NACA: variants seen among roughly 807,000 people sequenced by gnomAD.
The protein encoded by NACA is nascent polypeptide-associated complex subunit alpha.
A neutral mutation model predicts 86.4 loss-of-function variants in NACA; 42 were observed. That is an observed-to-expected ratio of 0.49 (90% confidence interval 0.38 to 0.63). The LOEUF (loss-of-function observed/expected upper bound fraction) is 0.63. Among genes scored for constraint, NACA ranks in the 20% least tolerant of loss-of-function variants. NACA has a pLI of 0.00. For missense variants in NACA, 2,157 were observed against 2,483.6 expected (o/e 0.87, Z 2.80); for synonymous variants, 898 against 973.7 (o/e 0.92, Z 1.45).
At position 56,712,528 on chromosome 12, in the gene NACA, T is replaced by C; in HGVS notation, c.*10A>G. 6.2e-7 allele frequency: 1 copy of C among 1,613,184 alleles called. No individual in the cohort carries two copies. On this transcript the variant is annotated 3_prime_UTR_variant, in exon 9 of 9. Transcript: ENST00000454682. Reference sequence around the variant, plus strand: ...CCTTTGAGACACCAAAAAAAGTTGCTTCCATATGGTTACATTGTTAATTCC... The same window carrying C: ...CCTTTGAGACACCAAAAAAAGTTGCCTCCATATGGTTACATTGTTAATTCC...
At position 56,717,395 on chromosome 12, in the gene NACA, T is replaced by C. The variant is rs1171543417; in HGVS notation, c.4135A>G (p.Lys1379Glu). The C allele has an allele frequency of 2.8e-6, 3 of 1,068,426 alleles. No individual in the cohort carries two copies. The highest frequency in any genetic ancestry group is 2.3e-6 in the Non-Finnish European group (2 of 876,548). The allele number at this position is 1,068,426 out of a possible 1,614,324, so 66.2% of individuals were successfully genotyped here. A position where few individuals can be genotyped will look rare whatever the true frequency, so the allele number is the denominator to read the frequency against. The change falls in exon 3 of 9, where the codon AAA (lysine) becomes GAA (glutamate). Residue 1379 changes from lysine to glutamate, a missense_variant. This residue lies in a region of NACA where 797 missense variants were observed against 777.6 expected (regional missense o/e 1.02). Coordinates refer to ENST00000454682, the MANE Select transcript of NACA (RefSeq NM_001365896.1). ...PTPPAATPSH[K>E]GGPAMTPPSP... ...GGAGGAGTCATAGCGGGACCTCCTTTGTGGGAGGGGGTTGCAGCTGGGGGA... is the reference window on the plus strand; with the variant it reads ...GGAGGAGTCATAGCGGGACCTCCTTCGTGGGAGGGGGTTGCAGCTGGGGGA...
At chr12:56,712,677 G>C in intron 8 of NACA, 109 bp downstream of exon 8, 1 of 1,598,220 alleles carries the variant, frequency 6.3e-7, no homozygotes. Context: ...ACTCAGAAGA[G>C]GCTCTGGAAT....
rs771683289 is a variant in NACA at position 56,716,420 on chromosome 12, G to A, written c.5110C>T (p.Pro1704Ser). 2 of 1,595,548 alleles carry A rather than the reference G, an allele frequency of 1.3e-6. No homozygotes were observed. The highest frequency in any genetic ancestry group is 2.7e-5 in the African/African-American group (2 of 74,628). Residue 1704 changes from proline to serine, a missense_variant, in exon 3 of 9, where the codon CCA (proline) becomes TCA (serine). By Grantham distance (74) the Pro-to-Ser change is moderately conservative. Coordinates refer to ENST00000454682, the MANE Select transcript of NACA (RefSeq NM_001365896.1). Reference protein sequence around the residue: ...PIITAPTRKGPQTKKSSATSP... With the variant: ...PIITAPTRKGSQTKKSSATSP... ...GTAGCAGAACTCTTTTTGGTCTGTG[G>A]ACCTTTCCGAGTGGGAGCTGTGATG... is the stretch of plus-strand genomic sequence containing the variant.
At position 56,717,228 on chromosome 12, in the gene NACA, A is replaced by T. The variant is rs758521419; in HGVS notation, c.4302T>A (p.Thr1434=). ...GGGAGACAGGAGTCACTGCTGGGGG[A>T]GTGAGATCTCCTTTGGATGGGGTGG... ...GAATPSKGDL[T]PPAVTPVSLK... is the part of the protein sequence containing the mutation. The change falls in exon 3 of 9, where the codon ACT becomes ACA. Residue 1434 remains threonine (T), a synonymous_variant. Coordinates refer to ENST00000454682, the MANE Select transcript of NACA (RefSeq NM_001365896.1). 12 of 1,298,540 alleles carry T rather than the reference A, an allele frequency of 9.2e-6. No individual in the cohort carries two copies. The highest frequency in any genetic ancestry group is 5.9e-5 in the Admixed American group (2 of 33,994). The allele number at this position is 1,298,540 out of a possible 1,614,324, so 80.4% of individuals were successfully genotyped here.
chr12:56,722,691 C>CAAAAA (rs2137834282), intron 2 of NACA, among the ~76,000 whole-genome samples: 1 of 54,196 alleles, frequency 1.8e-5, no homozygotes, highest in African/African-American at 5.5e-5. Context: ...GACTCCGTCT[C>CAAAAA]AAAACAAAAC....
Position 56,717,236 on chromosome 12 carries a change from C to T in NACA, c.4294G>A (p.Asp1432Asn). The T allele has an allele frequency of 7.6e-7, 1 of 1,310,562 alleles. No individual in the cohort carries two copies. Among genetic ancestry groups the T allele is most frequent in the South Asian group, 1.5e-5 (1 of 66,842 alleles). 81.2% of individuals were successfully genotyped at this position (1,310,562 alleles called of 1,614,324 possible). The part of the protein sequence containing the change: ...REGAATPSKG[D>N]LTPPAVTPVS... ...GGAGTCACTGCTGGGGGAGTGAGATCTCCTTTGGATGGGGTGGCTGCGCCT... is the reference window on the plus strand; with the variant it reads ...GGAGTCACTGCTGGGGGAGTGAGATTTCCTTTGGATGGGGTGGCTGCGCCT... The change falls in exon 3 of 9, where the codon GAT (aspartate) becomes AAT (asparagine). Residue 1432 changes from aspartate (D) to asparagine (N), a missense_variant. By Grantham distance (23) the Asp-to-Asn change is conservative (BLOSUM62 1). Transcript: ENST00000454682.
chr12:56,723,037 A>G (rs974805375), intron 2 of NACA, among the ~76,000 whole-genome samples: 1 of 152,228 alleles, frequency 6.6e-6, no homozygotes, highest in Non-Finnish European at 1.5e-5. Context: ...AAGTCTAACG[A>G]TTACAGGAAA....
rs184762427 is a variant in NACA, at chr12:56,722,423, C to A, written c.71-964G>T. On this transcript the variant is annotated intron_variant, in intron 2 of 8. Transcript: ENST00000454682. Reference sequence around the variant, plus strand: ...AGAATTGGAGAGCCTGTAACAGTGGCTCATGCCTGTAATCCCAGCACTTCG... The same window carrying A: ...AGAATTGGAGAGCCTGTAACAGTGGATCATGCCTGTAATCCCAGCACTTCG... Among the ~76,000 whole-genome samples the A allele has an allele frequency of 4.6e-5, 7 of 152,324 alleles. No homozygotes were observed. The East Asian group carries it at 1.3e-3, about 29-fold the overall frequency.
intron 3 of NACA, 48 bp from the exon 4 acceptor site, chr12:56,714,735 G>A (rs1444389979): frequency 1.3e-6 from 2 of 1,561,928 alleles, no homozygotes; most frequent in Non-Finnish European, 1.8e-6. Context: ...AATTATAAGA[G>A]AAGGTACTTC....
chr12:56,718,838 C>G lies in NACA; in HGVS notation c.2692G>C (p.Glu898Gln). Residue 898 changes from glutamate to glutamine, a missense_variant, in exon 3 of 9, where the codon GAG becomes CAG. Physicochemically the swap from Glu to Gln is conservative, Grantham distance 29 (BLOSUM62 2). Coordinates refer to ENST00000454682, the MANE Select transcript of NACA (RefSeq NM_001365896.1). ...PSVVNLPFPK[E>Q]GPATPAPKQA... Reference sequence around the variant, plus strand: ...TTGGGTGCTGGAGTAGCTGGACCCTCTTTGGGGAAGGGCAGATTCACCACT... The same window carrying G: ...TTGGGTGCTGGAGTAGCTGGACCCTGTTTGGGGAAGGGCAGATTCACCACT... 1 of 1,434,310 alleles carries G rather than the reference C, an allele frequency of 7.0e-7. No homozygotes were observed. Among genetic ancestry groups the G allele is most frequent in the Non-Finnish European group, 9.4e-7 (1 of 1,067,186 alleles). The allele number at this position is 1,434,310 out of a possible 1,614,324, so 88.8% of individuals were successfully genotyped here.
chr12:56,718,493 C>T lies in NACA; in HGVS notation c.3037G>A (p.Ala1013Thr), dbSNP rs1953466030. 8.8e-7 allele frequency: 1 copy of T among 1,141,702 alleles called. No individual in the cohort carries two copies. Among genetic ancestry groups the T allele is most frequent in the Non-Finnish European group, 1.1e-6 (1 of 927,340 alleles). The allele number at this position is 1,141,702 out of a possible 1,614,324, so 70.7% of individuals were successfully genotyped here. ...PSPKGAPTPP[A>T]VTPPSPKGSP... ...CCTTTGGGGGAGGGAGGAGTCACAG[C>T]TGGGGGTGTGGGGGCCCCTTTGGGG... The change falls in exon 3 of 9, where the codon GCT (alanine) becomes ACT (threonine). Residue 1013 changes from alanine (A) to threonine (T), a missense_variant. Physicochemically the swap from Ala to Thr is moderately conservative, Grantham distance 58. Transcript: ENST00000454682.
Position 56,716,888 on chromosome 12 carries a change from G to A in NACA, c.4642C>T (p.Leu1548Phe). The A allele has an allele frequency of 7.6e-7, 1 of 1,315,598 alleles. No individual in the cohort carries two copies. The highest frequency in any genetic ancestry group is 9.9e-7 in the Non-Finnish European group (1 of 1,012,080). The allele number at this position is 1,315,598 out of a possible 1,614,324, so 81.5% of individuals were successfully genotyped here. Residue 1548 changes from leucine to phenylalanine, a missense_variant, in exon 3 of 9, where the codon CTC becomes TTC. By Grantham distance (22) the Leu-to-Phe change is conservative. Coordinates refer to ENST00000454682, the MANE Select transcript of NACA (RefSeq NM_001365896.1). ...GGAACAGTCATAGCTGGGGGAATGA[G>A]GGCCTCTTTGGGGGCTAGAGTTGCT... is the stretch of plus-strand genomic sequence containing the variant. ...TPATLAPKEA[L>F]IPPAMTVPSP...
At position 56,719,097 on chromosome 12, in the gene NACA, C is replaced by CT; in HGVS notation, c.2432dup (p.Lys812GlufsTer7). On this transcript the variant is annotated frameshift_variant, in exon 3 of 9. Transcript: ENST00000454682. LOFTEE classifies it high-confidence loss of function. ...GAGTATCAGGGCCAGCAGAACCCTT[C>CT]TTGGTTGGAGGTCTTTTAGTCTGAG... 1 of 1,452,198 alleles carries CT rather than the reference C, an allele frequency of 6.9e-7. No individual in the cohort carries two copies. The highest frequency in any genetic ancestry group is 9.3e-7 in the Non-Finnish European group (1 of 1,074,622). 90.0% of individuals were successfully genotyped at this position (1,452,198 alleles called of 1,614,324 possible).
rs771369888 is a variant in NACA at position 56,725,282 on chromosome 12, C to T, written c.-22G>A. 21 of 153,524 alleles carry T rather than the reference C, an allele frequency of 1.4e-4. No homozygotes were observed. Among genetic ancestry groups the T allele is most frequent in the Non-Finnish European group, 2.9e-4 (20 of 68,688 alleles). 9.5% of individuals were successfully genotyped at this position (153,524 alleles called of 1,614,324 possible). ...ACTTACTGTGCAGGGAACGCGGAACCAAGATGGCGGCAGAAAGACCGAGCG... is the reference window on the plus strand; with the variant it reads ...ACTTACTGTGCAGGGAACGCGGAACTAAGATGGCGGCAGAAAGACCGAGCG... On this transcript the variant is annotated 5_prime_UTR_variant, in exon 1 of 9. Coordinates refer to ENST00000454682, the MANE Select transcript of NACA (RefSeq NM_001365896.1).
At chr12:56,713,954 G>GCCTCAGCCA in intron 5 of NACA, 1 of 424,710 alleles carries the variant, frequency 2.4e-6, no homozygotes, top group South Asian at 2.9e-5. Context: ...CAATTGCCGT[G>GCCTCAGCCA]CCTCAGCCAC....
Position 56,719,844 on chromosome 12 carries a change from T to G in NACA, c.1686A>C (p.Leu562Phe). 6.2e-7 allele frequency: 1 copy of G among 1,613,804 alleles called. No homozygotes were observed. The highest frequency in any genetic ancestry group is 8.5e-7 in the Non-Finnish European group (1 of 1,179,822). Residue 562 changes from leucine (L) to phenylalanine (F), a missense_variant, in exon 3 of 9, where the codon TTA becomes TTC. Around this residue, in one of 8 missense-constraint regions of NACA, gnomAD observed 947 missense variants for 917.9 expected, o/e 1.03. Coordinates refer to ENST00000454682, the MANE Select transcript of NACA (RefSeq NM_001365896.1). ...GGGAATTTTTAGGGGCTGCCTGGAC[T>G]AACGGTAATACAGTAGGGTCTTTCT... ...TTKKDPTVLP[L>F]VQAAPKNSPS...
chr12:56,714,712 GCTTTATAGTAGAAATTATAAGAGAAGGTA>G (rs1401293101), intron 3 of NACA, 25 bp from the exon 4 acceptor site: 58 of 1,600,606 alleles, frequency 3.6e-5, no homozygotes, highest in Non-Finnish European at 4.8e-5. Context: ...AACTTTTACT[GCTTTATAGTAGAAATTATAAGAGAAGGTA>G]CTTCACCACA....
chr12:56,712,750 C>T, intron 8 of NACA, 36 bp downstream of exon 8: 1 of 1,614,022 alleles, frequency 6.2e-7, no homozygotes, highest in Non-Finnish European at 8.5e-7. Flanking sequence ...TTGGTCAGGG[C>T]AGAGGGAGTC....
At position 56,717,148 on chromosome 12, in the gene NACA, G is replaced by C. The variant is rs746845014; in HGVS notation, c.4382C>G (p.Ser1461Cys). 2 of 1,295,818 alleles carry C rather than the reference G, an allele frequency of 1.5e-6. No homozygotes were observed. The highest frequency in any genetic ancestry group is 7.4e-5 in the East Asian group (2 of 27,098). 80.3% of individuals were successfully genotyped at this position (1,295,818 alleles called of 1,614,324 possible). ...APKGGPATPSSKGDPTLPAVT... is the reference protein window; with the variant it reads ...APKGGPATPSCKGDPTLPAVT... ...TGCTGGGAGGGTGGGATCCCCTTTG[G>C]AGGATGGGGTAGCTGGGCCTCCTTT... Residue 1461 changes from serine (S) to cysteine (C), a missense_variant, in exon 3 of 9, where the codon TCC becomes TGC. By Grantham distance (112) the Ser-to-Cys change is moderately radical (BLOSUM62 -1). Around this residue, in one of 8 missense-constraint regions of NACA, gnomAD observed 797 missense variants for 777.6 expected, o/e 1.02. Coordinates refer to ENST00000454682, the MANE Select transcript of NACA (RefSeq NM_001365896.1).
Sources: gnomAD v4.1 joint callset for allele counts (sites outside exome capture counted in the v4.1 genomes callset) on GRCh38, gnomAD v4.1.1 for gene constraint, gnomAD v4.1.1 regional missense constraint, MANE v1.5 for transcripts, NCBI Gene and HGNC (gene_info 2026-07-23, HGNC 2026-07-21) for gene names.